The following CMSS1 variants were observed in gnomAD, a reference collection of about 807,000 sequenced individuals.
The protein encoded by CMSS1 is cms1 ribosomal small subunit homolog, also known as protein CMSS1.
In CMSS1, 33 loss-of-function variants were observed where a neutral mutation model predicts 43.5. The observed-to-expected ratio is 0.76, with a 90% CI of 0.57 to 1.01. The LOEUF is 1.01. Among genes scored for constraint, CMSS1 ranks in the 50% least tolerant of loss-of-function variants. The pLI is 0.00. For missense variants in CMSS1, 313 were observed against 326.4 expected (o/e 0.96, Z 0.32); for synonymous variants, 115 against 117.2 (o/e 0.98, Z 0.12).
At chr3:100,125,822 G>A (rs185886404) in intron 1 of CMSS1, among the ~76,000 whole-genome samples, 2 of 152,298 alleles carry the variant, frequency 1.3e-5, no homozygotes, top group African/African-American at 4.8e-5. Context: ...AAACTGGAGG[G>A]TTGAGTGAGG....
intron 1 of CMSS1, among the ~76,000 whole-genome samples, chr3:99,871,468 A>G (rs542992252): frequency 6.6e-6 from 1 of 152,340 alleles, no homozygotes; most frequent in South Asian, 2.1e-4. Flanking sequence ...GAAGGAGTTT[A>G]TAGTCCAAGA....
chr3:99,821,052 A>G (rs141278218), intron 1 of CMSS1, among the ~76,000 whole-genome samples: 233 of 152,304 alleles, frequency 1.5e-3, no homozygotes, highest in African/African-American at 5.2e-3. Flanking sequence ...TATAACATCT[A>G]TCTAATGTGC....
At chr3:99,947,582 G>T (rs567805918) in intron 1 of CMSS1, among the ~76,000 whole-genome samples, 1 of 152,102 alleles carries the variant, frequency 6.6e-6, no homozygotes, top group Non-Finnish European at 1.5e-5. Flanking sequence ...AACTGTCCTC[G>T]GCTGAGAAAA....
At chr3:100,074,996 A>AT (rs2065827602) in intron 1 of CMSS1, among the ~76,000 whole-genome samples, 1 of 151,824 alleles carries the variant, frequency 6.6e-6, no homozygotes, top group South Asian at 2.1e-4. Flanking sequence ...GCCCGGCCTG[A>AT]TTTTCTTTTA....
intron 1 of CMSS1, among the ~76,000 whole-genome samples, chr3:100,107,842 G>T (rs1270559582): frequency 1.4e-5 from 2 of 146,394 alleles, no homozygotes; most frequent in Non-Finnish European, 3.0e-5. Context: ...TTCATTACAT[G>T]ATTTATATTT....
chr3:100,068,451 A>G (rs552796639), intron 1 of CMSS1, among the ~76,000 whole-genome samples: 1 of 152,294 alleles, frequency 6.6e-6, no homozygotes, highest in Non-Finnish European at 1.5e-5. Context: ...GAACTAACAC[A>G]CAAGTCTATC....
intron 1 of CMSS1, among the ~76,000 whole-genome samples, chr3:99,846,869 G>T (rs936423969): frequency 2.0e-5 from 3 of 152,144 alleles, no homozygotes; most frequent in African/African-American, 7.2e-5. Context: ...CAATTATGAG[G>T]TTAGAAAAAG....
chr3:100,111,479 C>T (rs568408378), intron 1 of CMSS1, among the ~76,000 whole-genome samples: 3 of 152,028 alleles, frequency 2.0e-5, no homozygotes, highest in Non-Finnish European at 2.9e-5. Flanking sequence ...GGGTCAAGTG[C>T]GTAATTGATA....
chr3:99,977,257 C>G (rs2107727041), intron 1 of CMSS1, among the ~76,000 whole-genome samples: 1 of 152,020 alleles, frequency 6.6e-6, no homozygotes, highest in African/African-American at 2.4e-5. Flanking sequence ...ATGCCTCATC[C>G]CAGGAGCAGT....
intron 1 of CMSS1, among the ~76,000 whole-genome samples, chr3:99,866,043 A>C (rs1311615414): frequency 6.6e-6 from 1 of 152,018 alleles, no homozygotes; most frequent in Non-Finnish European, 1.5e-5. Flanking sequence ...TCCTTCTCTT[A>C]ACCTCTACTC....
chr3:100,138,851 C>G (rs910441694), intron 1 of CMSS1, among the ~76,000 whole-genome samples: 3 of 152,132 alleles, frequency 2.0e-5, no homozygotes, highest in African/African-American at 7.2e-5. Context: ...GATATCTACC[C>G]AAAGGAATAT....
chr3:99,857,683 T>A (rs1194004991), intron 1 of CMSS1, among the ~76,000 whole-genome samples: 1 of 152,210 alleles, frequency 6.6e-6, no homozygotes, highest in East Asian at 1.9e-4. Context: ...AGGGTGATCA[T>A]CAAGCAATAA....
chr3:99,856,094 T>G (rs532978114), intron 1 of CMSS1, among the ~76,000 whole-genome samples: 1 of 148,996 alleles, frequency 6.7e-6, no homozygotes, highest in East Asian at 1.9e-4. Flanking sequence ...CTGCTGCTGC[T>G]CTTGCTGCTC....
At chr3:100,012,760 T>C (rs991243893) in intron 1 of CMSS1, among the ~76,000 whole-genome samples, 2 of 142,540 alleles carry the variant, frequency 1.4e-5, no homozygotes, top group Non-Finnish European at 3.1e-5. Flanking sequence ...GGAAGCATAT[T>C]CTTTTTTTTT....
chr3:100,024,707 G>T (rs1168720244), intron 1 of CMSS1, among the ~76,000 whole-genome samples: 1 of 152,168 alleles, frequency 6.6e-6, no homozygotes, highest in Admixed American at 6.5e-5. Context: ...TATTCAGCAT[G>T]TGTGGGCTCA....
intron 1 of CMSS1, among the ~76,000 whole-genome samples, chr3:99,823,392 C>T (rs1942476817): frequency 6.6e-6 from 1 of 152,200 alleles, no homozygotes; most frequent in Non-Finnish European, 1.5e-5. Context: ...CCTGCTTTTT[C>T]TCCAAACTTT....
intron 1 of CMSS1, among the ~76,000 whole-genome samples, chr3:100,047,324 A>G (rs571919274): frequency 6.6e-6 from 1 of 152,380 alleles, no homozygotes; most frequent in Admixed American, 6.5e-5. Flanking sequence ...CTTCCAAAGC[A>G]TATTTATTGA....
intron 1 of CMSS1, among the ~76,000 whole-genome samples, chr3:99,975,930 G>A (rs1708956551): frequency 6.6e-6 from 1 of 152,172 alleles, no homozygotes; most frequent in Admixed American, 6.5e-5. Context: ...TGTTGTCCAG[G>A]CTGGAGTGCA....
intron 1 of CMSS1, among the ~76,000 whole-genome samples, chr3:100,035,872 T>A (rs1358794152): frequency 2.0e-5 from 3 of 152,188 alleles, no homozygotes; most frequent in Non-Finnish European, 4.4e-5. Flanking sequence ...TGAAAGCAAA[T>A]CACATACATG....
Sources: allele counts gnomAD v4.1 joint callset (sites outside exome capture counted in the v4.1 genomes callset), GRCh38; gene constraint gnomAD v4.1.1; transcripts MANE v1.5; gene names NCBI Gene and HGNC (gene_info 2026-07-23, HGNC 2026-07-21).